Variants in CEACAM20 observed in about 807,000 individuals in gnomAD.
CEACAM20 encodes the protein CEA cell adhesion molecule 20, also known as cell adhesion molecule CEACAM20.
A neutral mutation model predicts 61.2 loss-of-function variants in CEACAM20; 50 were observed. That is an observed-to-expected ratio of 0.82 (90% CI 0.65 to 1.03). The LOEUF is 1.03. CEACAM20 is among the 50% of genes least tolerant of loss of function. CEACAM20 has a pLI of 0.00. For synonymous variants in CEACAM20, 282 were observed against 287.7 expected (o/e 0.98, Z 0.20); for missense variants, 683 against 736.4 (o/e 0.93, Z 0.84).
chr19:44,516,946 C>G lies in CEACAM20; in HGVS notation c.1309G>C (p.Gly437Arg). The G allele has an allele frequency of 6.3e-7, 1 of 1,594,722 alleles. No homozygotes were observed. The change falls in exon 6 of 12, where the codon GGT (glycine) becomes CGT (arginine). Residue 437 changes from glycine to arginine, a missense_variant and splice_region_variant. Coordinates refer to ENST00000614924, the MANE Select transcript of CEACAM20 (RefSeq NM_001102597.3). ...RSTSVLVKVV[G>R]PQSSSLSSGA... ...GAGAAGGCGACCCTGAGAGACTCACCTACCACCTTGACCAGGACTGAAGTG... is the reference window on the plus strand; with the variant it reads ...GAGAAGGCGACCCTGAGAGACTCACGTACCACCTTGACCAGGACTGAAGTG...
intron 10 of CEACAM20, 143 bp from the exon 11 acceptor site, chr19:44,511,298 AC>A: frequency 1.6e-6 from 2 of 1,224,818 alleles, no homozygotes; most frequent in Non-Finnish European, 2.2e-6. Context: ...CAGGGTTAGA[AC>A]CCAGGCCCTT....
intron 6 of CEACAM20, 68 bp downstream of exon 6, chr19:44,516,878 A>G: frequency 6.6e-7 from 1 of 1,518,018 alleles, no homozygotes; most frequent in Non-Finnish European, 8.9e-7. Flanking sequence ...GGGGTAGACT[A>G]GGTAGCTGGG....
At chr19:44,509,355 C>G (rs1013993677) in intron 11 of CEACAM20, among the ~76,000 whole-genome samples, 2 of 116,986 alleles carry the variant, frequency 1.7e-5, no homozygotes, top group Non-Finnish European at 3.8e-5. Flanking sequence ...AATAAAGCAA[C>G]GAAATTAAAA....
At chr19:44,517,839 T>C (rs1971215400) in intron 5 of CEACAM20, among the ~76,000 whole-genome samples, 1 of 151,824 alleles carries the variant, frequency 6.6e-6, no homozygotes. Context: ...GAAGCCGAGG[T>C]AGGTGGATGT....
Position 44,512,097 on chromosome 19 carries a change from A to G in CEACAM20, c.1514-19T>C, listed in dbSNP as rs1158544612. On this transcript the variant is annotated intron_variant, in intron 8 of 11. Transcript: ENST00000614924. Reference sequence around the variant, plus strand: ...AGGCTTTCTAGAAAAAGTGAATCTCAGTCAGGAGCTGGAGTTCGAAAGAGA... The same window carrying G: ...AGGCTTTCTAGAAAAAGTGAATCTCGGTCAGGAGCTGGAGTTCGAAAGAGA... 1 of 1,591,902 alleles carries G rather than the reference A, an allele frequency of 6.3e-7. No individual in the cohort carries two copies. Among genetic ancestry groups the G allele is most frequent in the South Asian group, 1.1e-5 (1 of 87,812 alleles).
intron 11 of CEACAM20, among the ~76,000 whole-genome samples, chr19:44,507,498 G>T (rs1346529456): frequency 6.6e-6 from 1 of 152,156 alleles, no homozygotes; most frequent in African/African-American, 2.4e-5. Flanking sequence ...CATTTACATA[G>T]AAATTCAATC....
chr19:44,525,387 A>G, intron 1 of CEACAM20, 143 bp from the exon 2 acceptor site: 1 of 686,718 alleles, frequency 1.5e-6, no homozygotes, highest in African/African-American at 1.9e-5. Context: ...CGTTACTTAC[A>G]GCTATGTGAC....
chr19:44,511,213 C>A, intron 10 of CEACAM20, 58 bp from the exon 11 acceptor site: 3 of 1,595,118 alleles, frequency 1.9e-6, no homozygotes, highest in Non-Finnish European at 2.6e-6. Flanking sequence ...CAGGAATGTA[C>A]CAACTTACAC....
intron 11 of CEACAM20, 111 bp downstream of exon 11, chr19:44,510,919 A>C: frequency 1.5e-6 from 2 of 1,337,554 alleles, no homozygotes; most frequent in South Asian, 2.7e-5. Flanking sequence ...GAAGATTTTT[A>C]AAGGGAAATT....
intron 11 of CEACAM20, among the ~76,000 whole-genome samples, chr19:44,509,331 C>A (rs1043143403): frequency 6.9e-6 from 1 of 145,686 alleles, no homozygotes; most frequent in East Asian, 2.0e-4. Context: ...GAAAGTATAA[C>A]ATTAAAGAAT....
rs974367137 is a variant in CEACAM20, at chr19:44,524,046, AT to A, written c.411del (p.Gln137HisfsTer9). 5 of 1,563,110 alleles carry A rather than the reference AT, an allele frequency of 3.2e-6. No homozygotes were observed. In the Admixed American group the frequency reaches 5.8e-5, roughly 18 times the overall value. The part of the protein sequence containing the change: ...IVQREDSGTY[Q>X]CEARDALLSQ... ...CTCAGAAGGGCATCTCGAGCTTCAC[AT>A]TGGTAAGTCCCTGAGTCCTCCCGCT... is the stretch of plus-strand genomic sequence containing the variant. On this transcript the variant is annotated frameshift_variant, in exon 3 of 12. Transcript: ENST00000614924. LOFTEE classifies it high-confidence loss of function.
chr19:44,518,420 T>C (rs1170030677), intron 5 of CEACAM20, among the ~76,000 whole-genome samples: 1 of 152,074 alleles, frequency 6.6e-6, no homozygotes, highest in East Asian at 1.9e-4. Context: ...CAAATGAAAG[T>C]AGTTGTTGGA....
intron 11 of CEACAM20, among the ~76,000 whole-genome samples, chr19:44,510,612 A>AAAGAAAGAAAGAAAG (rs1970963901): frequency 1.8e-5 from 1 of 54,930 alleles, no homozygotes; most frequent in African/African-American, 2.1e-4. Context: ...AAGAAAGAAA[A>AAAGAAAGAAAGAAAG]AGGAAGGAAG....
intron 5 of CEACAM20, 43 bp from the exon 6 acceptor site, chr19:44,517,267 C>T (rs780720838): frequency 2.5e-6 from 4 of 1,586,368 alleles, no homozygotes; most frequent in Non-Finnish European, 3.4e-6. Context: ...CCCCCATCAG[C>T]GAGTCATCCC....
intron 5 of CEACAM20, among the ~76,000 whole-genome samples, 155 bp downstream of exon 5, chr19:44,520,319 C>T (rs1332056376): frequency 6.6e-6 from 1 of 152,228 alleles, no homozygotes; most frequent in Non-Finnish European, 1.5e-5. Flanking sequence ...ACATAAGCCC[C>T]CTGAGGGCAG....
At chr19:44,517,421 T>C (rs1971198534) in intron 5 of CEACAM20, among the ~76,000 whole-genome samples, 197 bp from the exon 6 acceptor site, 1 of 152,244 alleles carries the variant, frequency 6.6e-6, no homozygotes, top group Admixed American at 6.5e-5. Flanking sequence ...GGGCCAGGCA[T>C]GGTGGCTCAT....
chr19:44,522,968 A>G, intron 3 of CEACAM20, 56 bp from the exon 4 acceptor site: 2 of 1,450,856 alleles, frequency 1.4e-6, no homozygotes, highest in Non-Finnish European at 1.9e-6. Context: ...CAGGTCTCTT[A>G]TGGAGGTCTT....
chr19:44,507,083 C>G (rs1342728819), intron 11 of CEACAM20, among the ~76,000 whole-genome samples: 1 of 152,192 alleles, frequency 6.6e-6, no homozygotes, highest in Non-Finnish European at 1.5e-5. Flanking sequence ...TAACCTTCTT[C>G]CCCACACCAC....
chr19:44,517,420 A>G (rs911683785), intron 5 of CEACAM20, among the ~76,000 whole-genome samples, 196 bp from the exon 6 acceptor site: 3 of 152,250 alleles, frequency 2.0e-5, no homozygotes, highest in South Asian at 2.1e-4. Context: ...AGGGCCAGGC[A>G]TGGTGGCTCA....
Sources: gnomAD v4.1 joint callset for allele counts (sites outside exome capture counted in the v4.1 genomes callset) on GRCh38, gnomAD v4.1.1 for gene constraint, MANE v1.5 for transcripts, NCBI Gene and HGNC (gene_info 2026-07-23, HGNC 2026-07-21) for gene names.